CADPS: variants seen among roughly 807,000 people sequenced by gnomAD.
CADPS encodes calcium-dependent secretion activator 1.
In CADPS, 57 loss-of-function variants were observed where a neutral mutation model predicts 167.3. The observed-to-expected ratio is 0.34, with a 90% CI of 0.28 to 0.42. The LOEUF (loss-of-function observed/expected upper bound fraction) is 0.42. CADPS is among the 20% of genes least tolerant of loss of function. The pLI is 1.00. For synonymous variants in CADPS, 676 were observed against 635.3 expected (o/e 1.06, Z -0.96); for missense variants, 1,414 against 1,738.1 (o/e 0.81, Z 3.32).
chr3:62,669,485 C>T (rs979707250), intron 3 of CADPS, among the ~76,000 whole-genome samples: 21 of 152,136 alleles, frequency 1.4e-4, no homozygotes, highest in Admixed American at 1.3e-3. Flanking sequence ...CTGTTTTTGC[C>T]GCATTCAAGA....
chr3:62,526,116 G>A (rs2072127198), intron 13 of CADPS, among the ~76,000 whole-genome samples: 1 of 152,230 alleles, frequency 6.6e-6, no homozygotes. Flanking sequence ...TAGGAATCCT[G>A]GCAGAGTAAC....
chr3:62,425,560 C>G (rs1374650925), intron 28 of CADPS, among the ~76,000 whole-genome samples: 3 of 152,124 alleles, frequency 2.0e-5, no homozygotes, highest in Non-Finnish European at 4.4e-5. Flanking sequence ...ATATGTAGTT[C>G]TGATGCATAC....
At chr3:62,473,889 C>T (rs920840619) in intron 24 of CADPS, 4 of 286,992 alleles carry the variant, frequency 1.4e-5, no homozygotes, top group Middle Eastern at 1.0e-3. Context: ...AGACACCAGC[C>T]TAATAAATAA....
At position 62,399,351 on chromosome 3, in the gene CADPS, A is replaced by G. The variant is rs1171638207; in HGVS notation, c.*55T>C. 3.3e-6 allele frequency: 5 copies of G among 1,537,986 alleles called. No homozygotes were observed. The highest frequency in any genetic ancestry group is 3.4e-5 in the Admixed American group (2 of 58,192). On this transcript the variant is annotated 3_prime_UTR_variant, in exon 30 of 30. Transcript: ENST00000383710. The surrounding 1 kb of genome is among the most constrained non-coding windows in gnomAD (Gnocchi z 5.6). ...TCCTAATGGGTTTAACTAACAGACTAAGGACATGCACTGATTACAGGACTC... is the reference window on the plus strand; with the variant it reads ...TCCTAATGGGTTTAACTAACAGACTGAGGACATGCACTGATTACAGGACTC...
chr3:62,534,545 A>G (rs2074316945), intron 12 of CADPS, among the ~76,000 whole-genome samples: 1 of 152,222 alleles, frequency 6.6e-6, no homozygotes, highest in South Asian at 2.1e-4. Context: ...TCTTAGAAAC[A>G]ACACTGCTGT....
At chr3:62,765,781 C>A (rs944953715) in intron 2 of CADPS, 90 bp downstream of exon 2, 8 of 738,938 alleles carry the variant, frequency 1.1e-5, no homozygotes, top group Non-Finnish European at 1.6e-5. Flanking sequence ...TGTAGTAAAC[C>A]AAAACGACTG....
chr3:62,852,356 G>A (rs959020879), intron 1 of CADPS, among the ~76,000 whole-genome samples: 24 of 152,050 alleles, frequency 1.6e-4, no homozygotes, highest in Non-Finnish European at 2.8e-4. Flanking sequence ...GAAATCACCC[G>A]TCTTCTGTGT....
chr3:62,862,060 TAAAA>T (rs531235314), intron 1 of CADPS, among the ~76,000 whole-genome samples: 197 of 144,892 alleles, frequency 1.4e-3, no homozygotes, highest in African/African-American at 4.5e-3. Context: ...TCCAAGGCGC[TAAAA>T]AAAAAAATCC....
intron 28 of CADPS, among the ~76,000 whole-genome samples, chr3:62,423,421 A>G (rs1254313944): frequency 6.6e-6 from 1 of 152,246 alleles, no homozygotes; most frequent in African/African-American, 2.4e-5. Context: ...GCGGTGATCC[A>G]TGAGGGAAAT....
intron 20 of CADPS, 130 bp downstream of exon 20, chr3:62,492,160 G>A (rs977334711): frequency 1.3e-6 from 1 of 758,014 alleles, no homozygotes; most frequent in Non-Finnish European, 2.2e-6. Context: ...TTTTTGGGGG[G>A]TGGGGTTAAT....
intron 3 of CADPS, among the ~76,000 whole-genome samples, chr3:62,718,012 A>G (rs1352920264): frequency 1.4e-5 from 2 of 147,184 alleles, no homozygotes; most frequent in East Asian, 4.2e-4. Context: ...TTCTTGGGCC[A>G]TAAGTCACAT....
intron 1 of CADPS, among the ~76,000 whole-genome samples, chr3:62,809,602 C>T (rs1239362713): frequency 6.6e-6 from 1 of 152,206 alleles, no homozygotes; most frequent in Non-Finnish European, 1.5e-5. Context: ...TCTGTTGCAT[C>T]ACCCAGCTTT....
chr3:62,716,416 C>T (rs2084637904), intron 3 of CADPS, among the ~76,000 whole-genome samples: 1 of 152,164 alleles, frequency 6.6e-6, no homozygotes, highest in Non-Finnish European at 1.5e-5. Context: ...ATCTAGAAAG[C>T]TTAGGGTTCA....
At chr3:62,428,457 T>G (rs2149550163) in intron 28 of CADPS, among the ~76,000 whole-genome samples, 1 of 152,040 alleles carries the variant, frequency 6.6e-6, no homozygotes, top group Middle Eastern at 3.4e-3. Flanking sequence ...TAAGTGGGAC[T>G]ACTCTGGATA....
intron 1 of CADPS, among the ~76,000 whole-genome samples, chr3:62,853,006 C>G (rs1363772041): frequency 6.6e-6 from 1 of 152,156 alleles, no homozygotes; most frequent in African/African-American, 2.4e-5. Flanking sequence ...TCCCAATTCT[C>G]CAGTGAGATG....
chr3:62,523,482 C>G (rs1232658823), intron 13 of CADPS, among the ~76,000 whole-genome samples: 1 of 152,158 alleles, frequency 6.6e-6, no homozygotes, highest in Non-Finnish European at 1.5e-5. Context: ...AGCACACAGA[C>G]TTTTAGCAGT....
chr3:62,509,814 A>C (rs553807885), intron 17 of CADPS, among the ~76,000 whole-genome samples: 5 of 152,166 alleles, frequency 3.3e-5, no homozygotes, highest in Non-Finnish European at 5.9e-5. Context: ...CCACTGAATG[A>C]ATGGATATTG....
At position 62,478,123 on chromosome 3, in the gene CADPS, C is replaced by G; in HGVS notation, c.3329+138G>C. The G allele has an allele frequency of 1.1e-6, 1 of 924,750 alleles. No individual in the cohort carries two copies. The highest frequency in any genetic ancestry group is 1.6e-6 in the Non-Finnish European group (1 of 607,766). The allele number at this position is 924,750 out of a possible 1,614,324, so 57.3% of individuals were successfully genotyped here. On this transcript the variant is annotated intron_variant, in intron 23 of 29. Transcript: ENST00000383710. This position sits in a 1 kb window ranked among gnomAD's most constrained non-coding sequence, Gnocchi z 5.7. ...AAGTTAGACGTTGACAGCCACTACT[C>G]CAGCTGACTTTGACAAGCAATCCCC... is the stretch of plus-strand genomic sequence containing the variant.
At position 62,874,805 on chromosome 3, in the gene CADPS, G is replaced by A. The variant is rs1560049921; in HGVS notation, c.225C>T (p.Ala75=). The A allele has an allele frequency of 2.5e-6, 3 of 1,177,760 alleles. No homozygotes were observed. Among genetic ancestry groups the A allele is most frequent in the Non-Finnish European group, 3.2e-6 (3 of 925,316 alleles). The allele number at this position is 1,177,760 out of a possible 1,614,324, so 73.0% of individuals were successfully genotyped here. ...GGSGASSGGG[A]GGLQPSSRAG... is the part of the protein sequence containing the mutation. ...CGCGGCTGCTGGGTTGCAGCCCCCC[G>A]GCCCCGCCGCCGCTGCTCGCGCCGC... The change falls in exon 1 of 30, where the codon GCC becomes GCT. Residue 75 remains alanine, a synonymous_variant. Transcript: ENST00000383710. This position sits in a 1 kb window ranked among gnomAD's most constrained non-coding sequence, Gnocchi z 7.1.
Sources: gnomAD v4.1 joint callset for allele counts (sites outside exome capture counted in the v4.1 genomes callset) on GRCh38, gnomAD v4.1.1 for gene constraint, Gnocchi (gnomAD v3.1) non-coding constraint, MANE v1.5 for transcripts, NCBI Gene and HGNC (gene_info 2026-07-23, HGNC 2026-07-21) for gene names.